The following FBLN7 variants were observed in gnomAD, a reference collection of about 807,000 sequenced individuals.
The protein encoded by FBLN7 is fibulin 7.
In FBLN7, 31 loss-of-function variants were observed where a neutral mutation model predicts 44.0. The ratio of observed to expected loss-of-function variants is 0.70; its 90% CI spans 0.53 to 0.95. FBLN7 has a LOEUF of 0.95. FBLN7 is among the 40% of genes least tolerant of loss of function. The pLI, the probability that FBLN7 is intolerant of heterozygous loss-of-function variation, is 0.00. For missense variants in FBLN7, 573 were observed against 618.5 expected (o/e 0.93, Z 0.78); for synonymous variants, 262 against 253.4 (o/e 1.03, Z -0.32).
chr2:112,138,558 C>T lies in FBLN7; in HGVS notation c.-98C>T. 1.3e-6 allele frequency: 2 copies of T among 1,590,206 alleles called. No homozygotes were observed. The highest frequency in any genetic ancestry group is 1.1e-5 in the South Asian group (1 of 89,694). On this transcript the variant is annotated 5_prime_UTR_variant, in exon 1 of 8. Coordinates refer to ENST00000331203, the MANE Select transcript of FBLN7 (RefSeq NM_153214.3). ...AGCCGCCCCCCGGCCGCGCGGCGCC[C>T]CGCACCCTGCAGGGACGGCTGCCGC... is the stretch of plus-strand genomic sequence containing the variant.
intron 3 of FBLN7, among the ~76,000 whole-genome samples, chr2:112,166,165 C>T (rs1288517981): frequency 6.6e-6 from 1 of 152,226 alleles, no homozygotes; most frequent in Admixed American, 6.5e-5. Flanking sequence ...ATTCTCCTGC[C>T]TCAGCCTCCT....
chr2:112,224,374 ACT>A, the FBLN7 span, among the ~76,000 whole-genome samples: 6 of 152,252 alleles, frequency 3.9e-5, no homozygotes, highest in East Asian at 9.6e-4. Flanking sequence ...AAGTCCAACA[ACT>A]CTTATCAAGC....
At chr2:112,186,751 C>T (rs1573840869) in intron 7 of FBLN7, among the ~76,000 whole-genome samples, 1 of 152,242 alleles carries the variant, frequency 6.6e-6, no homozygotes, top group Non-Finnish European at 1.5e-5. Flanking sequence ...CCTGCCATTA[C>T]TGGGCGAGGT....
intron 3 of FBLN7, among the ~76,000 whole-genome samples, chr2:112,168,194 T>C (rs890624981): frequency 2.0e-5 from 3 of 152,172 alleles, no homozygotes; most frequent in South Asian, 2.1e-4. Flanking sequence ...CATCTCCCCA[T>C]AGCCTCCTGC....
Position 112,187,795 on chromosome 2 carries a change from A to C in FBLN7, c.*289A>C. 1 of 514,702 alleles carries C rather than the reference A, an allele frequency of 1.9e-6. No homozygotes were observed. The highest frequency in any genetic ancestry group is 3.4e-5 in the South Asian group (1 of 29,286). The allele number at this position is 514,702 out of a possible 1,614,324, so 31.9% of individuals were successfully genotyped here. A position where few individuals can be genotyped will look rare whatever the true frequency, so the allele number is the denominator to read the frequency against. On this transcript the variant is annotated 3_prime_UTR_variant, in exon 8 of 8. Coordinates refer to ENST00000331203, the MANE Select transcript of FBLN7 (RefSeq NM_153214.3). The surrounding 1 kb of genome is among the most constrained non-coding windows in gnomAD (Gnocchi z 5.1). ...TCATCCAGGGGATGGGTGGCTTTCC[A>C]AAATGCTGTGCAAATGGCCTTGTGA...
intron 3 of FBLN7, among the ~76,000 whole-genome samples, chr2:112,170,203 T>C (rs1246730889): frequency 6.9e-6 from 1 of 144,674 alleles, no homozygotes; most frequent in Non-Finnish European, 1.5e-5. Flanking sequence ...GATCGCACCA[T>C]TGCACTCCAG....
chr2:112,224,482 C>G, the FBLN7 span, among the ~76,000 whole-genome samples: 2 of 152,200 alleles, frequency 1.3e-5, no homozygotes, highest in Non-Finnish European at 2.9e-5. Context: ...ATAGCAGTCT[C>G]TTTAAAACCC....
In FBLN7 at chr2:112,161,867, T is replaced by C. The variant is rs1054856056; in HGVS notation, c.235+2032T>C. On this transcript the variant is annotated intron_variant, in intron 2 of 7. Coordinates refer to ENST00000331203, the MANE Select transcript of FBLN7 (RefSeq NM_153214.3). ...AGTGTGTGGGGGACCCCGTGCTGGG[T>C]ACTTTATGCGTGCAGAGGCTGATCC... 1.1e-4 allele frequency among the ~76,000 whole-genome samples: 17 copies of C among 152,312 alleles called. No homozygotes were observed. In the East Asian group the frequency reaches 2.5e-3, roughly 22 times the overall value.
chr2:112,197,274 C>CACACAGAGAGAG, the FBLN7 span, among the ~76,000 whole-genome samples: 16 of 98,658 alleles, frequency 1.6e-4, no homozygotes, highest in Admixed American at 3.3e-4. Context: ...CACACACACA[C>CACACAGAGAGAG]AGAGAGAGAG....
intron 6 of FBLN7, among the ~76,000 whole-genome samples, 193 bp from the exon 7 acceptor site, chr2:112,185,008 G>A (rs1683197652): frequency 6.6e-6 from 1 of 151,702 alleles, no homozygotes; most frequent in Non-Finnish European, 1.5e-5. Context: ...GGATCCCAGG[G>A]AGGGGCACTC....
the FBLN7 span, among the ~76,000 whole-genome samples, chr2:112,216,849 G>T: frequency 3.9e-5 from 6 of 152,022 alleles, no homozygotes; most frequent in African/African-American, 1.4e-4. Context: ...AACAAAAAAT[G>T]AGATGAAGAA....
At chr2:112,211,632 ACTG>A in the FBLN7 span, 1 of 152,238 alleles carries the variant, frequency 6.6e-6, no homozygotes, top group South Asian at 2.1e-4. Flanking sequence ...TTTCTTATGT[ACTG>A]CTAAGAAAAC....
chr2:112,209,908 G>T, the FBLN7 span, among the ~76,000 whole-genome samples: 51 of 152,014 alleles, frequency 3.4e-4, 3 homozygotes, highest in Non-Finnish European at 1.5e-4. Context: ...GAGGATGAGG[G>T]TGAAGTAGGA....
chr2:112,147,590 C>T (rs570503651), intron 1 of FBLN7, among the ~76,000 whole-genome samples: 5 of 152,338 alleles, frequency 3.3e-5, no homozygotes, highest in African/African-American at 9.6e-5. Context: ...CCCCCGGCCT[C>T]TCTGCATTTG....
intron 1 of FBLN7, among the ~76,000 whole-genome samples, chr2:112,159,339 A>G (rs1266172883): frequency 6.6e-6 from 1 of 152,208 alleles, no homozygotes; most frequent in Non-Finnish European, 1.5e-5. Flanking sequence ...GCCAAGGCCC[A>G]GGGTTTTCAG....
At chr2:112,160,768 ACGCAGACGCACACGCACG>A (rs1681783965) in intron 2 of FBLN7, among the ~76,000 whole-genome samples, 1 of 40,524 alleles carries the variant, frequency 2.5e-5, no homozygotes, top group Non-Finnish European at 6.0e-5. Flanking sequence ...ACGCACGCAC[ACGCAGACGCACACGCACG>A]CACACGCACA....
chr2:112,183,656 G>C (rs1240063636), intron 6 of FBLN7, among the ~76,000 whole-genome samples: 6 of 152,258 alleles, frequency 3.9e-5, no homozygotes, highest in East Asian at 3.9e-4. Flanking sequence ...GAGTGGGTTG[G>C]GGGGCAGCGG....
chr2:112,142,258 CTT>C (rs1680684360), intron 1 of FBLN7, among the ~76,000 whole-genome samples: 1 of 152,172 alleles, frequency 6.6e-6, no homozygotes, highest in Non-Finnish European at 1.5e-5. Flanking sequence ...CTGCAGAGGC[CTT>C]CCAGAACTCT....
At chr2:112,160,532 TG>T (rs1392309459) in intron 2 of FBLN7, among the ~76,000 whole-genome samples, 1 of 152,220 alleles carries the variant, frequency 6.6e-6, no homozygotes, top group Non-Finnish European at 1.5e-5. Flanking sequence ...GTTTTGGTTT[TG>T]TTTTCATTTT....
Sources: gnomAD v4.1 joint callset for allele counts (sites outside exome capture counted in the v4.1 genomes callset) on GRCh38, gnomAD v4.1.1 for gene constraint, Gnocchi (gnomAD v3.1) non-coding constraint, MANE v1.5 for transcripts, NCBI Gene and HGNC (gene_info 2026-07-23, HGNC 2026-07-21) for gene names.